CEP85L: variants seen among roughly 807,000 people sequenced by gnomAD.
The protein encoded by CEP85L is centrosomal protein of 85 kDa-like.
CEP85L carries 60 observed loss-of-function variants against 100.3 expected under a neutral mutation model. That is an observed-to-expected ratio of 0.60 (90% confidence interval 0.49 to 0.74). The LOEUF is 0.74. Ranked by LOEUF, CEP85L falls within the 30% of genes least tolerant of loss-of-function variation. CEP85L has a pLI of 0.00. For missense variants in CEP85L, 973 were observed against 936.2 expected (o/e 1.04, Z -0.51); for synonymous variants, 319 against 322.7 (o/e 0.99, Z 0.12).
chr6:118,607,551 T>C lies in CEP85L; in HGVS notation c.232+24902A>G, dbSNP rs114819195. ...GCAAGGCAGATTAATCCAAAGAGAA[T>C]AGCAGTTAACATCCAATAGTGACGA... is the stretch of plus-strand genomic sequence containing the variant. On this transcript the variant is annotated intron_variant, in intron 2 of 12. Coordinates refer to ENST00000368491, the MANE Select transcript of CEP85L (RefSeq NM_001042475.3). Among the ~76,000 whole-genome samples, 528 of 152,260 alleles carry C rather than the reference T, an allele frequency of 3.5e-3. 5 individuals are homozygous for C. Among genetic ancestry groups the C allele is most frequent in the African/African-American group, 0.012 (508 of 41,542 alleles).
At chr6:118,471,549 A>C (rs973369122) in intron 10 of CEP85L, among the ~76,000 whole-genome samples, 2 of 152,006 alleles carry the variant, frequency 1.3e-5, no homozygotes, top group Non-Finnish European at 2.9e-5. Context: ...GGAGTAAAAA[A>C]AGATAGCTAT....
intron 2 of CEP85L, among the ~76,000 whole-genome samples, chr6:118,578,469 C>T (rs911174656): frequency 3.7e-4 from 57 of 152,316 alleles, no homozygotes; most frequent in African/African-American, 1.4e-4. Flanking sequence ...CGGTGGCTCA[C>T]GCCTGTAATC....
At chr6:118,698,412 G>C (rs1777283735) in intron 1 of CEP85L, among the ~76,000 whole-genome samples, 1 of 152,090 alleles carries the variant, frequency 6.6e-6, no homozygotes, top group African/African-American at 2.4e-5. Context: ...AGATGACCAG[G>C]TTCCTTTAGA....
intron 3 of CEP85L, among the ~76,000 whole-genome samples, chr6:118,544,923 T>C (rs556988924): frequency 1.1e-4 from 16 of 152,318 alleles, no homozygotes; most frequent in African/African-American, 3.8e-4. Context: ...TTTGCTTAGA[T>C]GTTTTTTGAA....
At chr6:118,499,053 C>A (rs776843746) in intron 5 of CEP85L, among the ~76,000 whole-genome samples, 3 of 152,036 alleles carry the variant, frequency 2.0e-5, no homozygotes, top group Non-Finnish European at 4.4e-5. Flanking sequence ...AAAATGTCAA[C>A]TAAATGAAAA....
chr6:118,695,012 G>A (rs1777160801), intron 1 of CEP85L, among the ~76,000 whole-genome samples: 1 of 152,152 alleles, frequency 6.6e-6, no homozygotes, highest in Non-Finnish European at 1.5e-5. Context: ...AGACATGGCA[G>A]TGTGGAAGTT....
rs1300104264 is a variant in CEP85L at position 118,631,088 on chromosome 6, TGTA to T, written c.232+1362_232+1364del. On this transcript the variant is annotated intron_variant, in intron 2 of 12. Transcript: ENST00000368491. ...ACACTGGGTGATAATAGTGTGTCCA[TGTA>T]GTTTTATCAATTGTAACAAATATAC... Among the ~76,000 whole-genome samples the T allele has an allele frequency of 2.0e-5, 3 of 152,198 alleles. No individual in the cohort carries two copies. In the South Asian group the frequency reaches 6.2e-4, roughly 31 times the overall value.
chr6:118,669,459 C>T (rs1213307364), intron 1 of CEP85L, among the ~76,000 whole-genome samples: 4 of 152,158 alleles, frequency 2.6e-5, no homozygotes, highest in Non-Finnish European at 4.4e-5. Flanking sequence ...CCCTTCCTTA[C>T]ATTTGATTCT....
intron 4 of CEP85L, among the ~76,000 whole-genome samples, chr6:118,520,098 TGGTGAAAG>T (rs1171798586): frequency 1.3e-5 from 2 of 152,152 alleles, no homozygotes; most frequent in African/African-American, 4.8e-5. Flanking sequence ...TCACACTTAA[TGGTGAAAG>T]GCTGAAGACT....
At chr6:118,553,176 G>C (rs948929863) in intron 3 of CEP85L, among the ~76,000 whole-genome samples, 2 of 143,872 alleles carry the variant, frequency 1.4e-5, no homozygotes, top group Middle Eastern at 3.8e-3. Flanking sequence ...GCTTTCCATC[G>C]AAAAAGTACT....
chr6:118,672,615 A>G (rs1776342156), intron 1 of CEP85L, among the ~76,000 whole-genome samples: 1 of 151,970 alleles, frequency 6.6e-6, no homozygotes, highest in African/African-American at 2.4e-5. Context: ...AAAATGCAAA[A>G]CTTAGCTGGG....
intron 4 of CEP85L, among the ~76,000 whole-genome samples, chr6:118,514,206 C>A (rs972988126): frequency 3.3e-5 from 5 of 151,960 alleles, no homozygotes; most frequent in African/African-American, 1.2e-4. Context: ...CAAAGGGGAA[C>A]AAAGATCAGA....
At chr6:118,552,774 C>CA (rs1197560385) in intron 3 of CEP85L, among the ~76,000 whole-genome samples, 1 of 151,822 alleles carries the variant, frequency 6.6e-6, no homozygotes, top group Non-Finnish European at 1.5e-5. Context: ...TCTCATTCCC[C>CA]TAAAAAGTAG....
intron 1 of CEP85L, among the ~76,000 whole-genome samples, chr6:118,696,871 T>C (rs937246962): frequency 6.6e-6 from 1 of 152,180 alleles, no homozygotes; most frequent in African/African-American, 2.4e-5. Context: ...GTCCTTCCCA[T>C]CTTTTTGCTT....
intron 1 of CEP85L, among the ~76,000 whole-genome samples, chr6:118,683,484 AT>A (rs2114268468): frequency 6.6e-6 from 1 of 152,320 alleles, no homozygotes; most frequent in South Asian, 2.1e-4. Context: ...AACATTCCCT[AT>A]GGCAAACTAC....
intron 5 of CEP85L, among the ~76,000 whole-genome samples, chr6:118,504,364 G>A (rs886689694): frequency 2.0e-5 from 3 of 150,978 alleles, no homozygotes; most frequent in African/African-American, 7.3e-5. Context: ...AACAGAGGGA[G>A]ACTCTGTCTC....
intron 2 of CEP85L, among the ~76,000 whole-genome samples, chr6:118,620,041 G>A (rs1169872066): frequency 6.6e-6 from 1 of 152,212 alleles, no homozygotes; most frequent in East Asian, 1.9e-4. Context: ...GGGTTAAGAA[G>A]AAGTAGGAAG....
rs542973457 is a variant in CEP85L at position 118,691,966 on chromosome 6, G to A, written c.-28+18070C>T. 6.6e-5 allele frequency among the ~76,000 whole-genome samples: 10 copies of A among 152,128 alleles called. No homozygotes were observed. The East Asian group carries it at 7.7e-4, about 12-fold the overall frequency. ...ACTTGGAGTAGGATTGCTTGGGTTC[G>A]GCTATGTCCCTAGAGATGTCTTTTC... On this transcript the variant is annotated intron_variant, in intron 1 of 13. Coordinates refer to the CEP85L transcript ENST00000368488.
At chr6:118,638,291 T>C (rs1243246341) in intron 1 of CEP85L, among the ~76,000 whole-genome samples, 1 of 151,996 alleles carries the variant, frequency 6.6e-6, no homozygotes, top group Admixed American at 6.6e-5. Flanking sequence ...TAAACATAAC[T>C]ATGTCTTTAA....
Sources: gnomAD v4.1 joint callset for allele counts (sites outside exome capture counted in the v4.1 genomes callset) on GRCh38, gnomAD v4.1.1 for gene constraint, MANE v1.5 for transcripts, NCBI Gene and HGNC (gene_info 2026-07-23, HGNC 2026-07-21) for gene names.